The following MACROD2 variants were observed in gnomAD, a reference collection of about 807,000 sequenced individuals.
MACROD2 encodes the protein ADP-ribose glycohydrolase MACROD2.
In MACROD2, 36 loss-of-function variants were observed where a neutral mutation model predicts 70.4. The ratio of observed to expected loss-of-function variants is 0.51; its 90% CI spans 0.39 to 0.68. MACROD2 has a LOEUF of 0.68. MACROD2 is among the 30% of genes least tolerant of loss of function. The pLI, the probability that MACROD2 is intolerant of heterozygous loss-of-function variation, is 0.00. For missense variants in MACROD2, 496 were observed against 538.4 expected (o/e 0.92, Z 0.78); for synonymous variants, 172 against 178.8 (o/e 0.96, Z 0.30).
chr20:15,851,618 C>G (rs984037209), intron 8 of MACROD2, among the ~76,000 whole-genome samples: 1 of 152,140 alleles, frequency 6.6e-6, no homozygotes, highest in Non-Finnish European at 1.5e-5. Flanking sequence ...TAGTCACATT[C>G]TGAGATACTG....
chr20:14,014,636 T>G (rs1309272927), intron 2 of MACROD2, among the ~76,000 whole-genome samples: 1 of 146,530 alleles, frequency 6.8e-6, no homozygotes, highest in Non-Finnish European at 1.5e-5. Flanking sequence ...CCAGAGTTAA[T>G]TCACTTGCCA....
chr20:15,925,647 T>C (rs1023987060), intron 10 of MACROD2, among the ~76,000 whole-genome samples: 4 of 152,190 alleles, frequency 2.6e-5, no homozygotes, highest in African/African-American at 9.7e-5. Flanking sequence ...GAGCTCCTTA[T>C]TGAGCACTTG....
chr20:14,908,434 C>A (rs780333811), intron 5 of MACROD2, among the ~76,000 whole-genome samples: 69 of 152,172 alleles, frequency 4.5e-4, no homozygotes, highest in Non-Finnish European at 7.9e-4. Flanking sequence ...GTGGGCAGAT[C>A]ACCTGAGGCC....
At chr20:15,917,256 C>T (rs922719799) in intron 10 of MACROD2, among the ~76,000 whole-genome samples, 2 of 152,154 alleles carry the variant, frequency 1.3e-5, no homozygotes, top group Non-Finnish European at 2.9e-5. Context: ...AGGTTGGATA[C>T]ATTTTACATA....
intron 12 of MACROD2, among the ~76,000 whole-genome samples, chr20:15,957,325 A>C (rs2065991539): frequency 6.6e-6 from 1 of 152,216 alleles, no homozygotes; most frequent in African/African-American, 2.4e-5. Context: ...TTTTTTACAA[A>C]AATTATGAAT....
At chr20:15,073,963 G>T (rs2075638729) in intron 5 of MACROD2, among the ~76,000 whole-genome samples, 1 of 152,060 alleles carries the variant, frequency 6.6e-6, no homozygotes, top group South Asian at 2.1e-4. Context: ...TATAACAAAT[G>T]GCATGTTTAG....
intron 16 of MACROD2, among the ~76,000 whole-genome samples, chr20:16,041,863 C>A (rs937360361): frequency 6.6e-6 from 1 of 151,958 alleles, no homozygotes; most frequent in Non-Finnish European, 1.5e-5. Context: ...TATCCCTTTT[C>A]CCCTGCACAA....
intron 2 of MACROD2, among the ~76,000 whole-genome samples, chr20:14,030,273 A>C (rs890957713): frequency 6.6e-6 from 1 of 151,806 alleles, no homozygotes; most frequent in Admixed American, 6.6e-5. Context: ...CCTAGGCTCA[A>C]ACCATCCATC....
chr20:15,401,710 T>G (rs6079802), intron 6 of MACROD2, among the ~76,000 whole-genome samples: 7 of 152,172 alleles, frequency 4.6e-5, no homozygotes, highest in South Asian at 2.1e-4. Context: ...TGTTTGTTAA[T>G]AAATTACCGA....
At chr20:14,175,746 C>T (rs146100762) in intron 3 of MACROD2, among the ~76,000 whole-genome samples, 90 of 152,228 alleles carry the variant, frequency 5.9e-4, no homozygotes, top group African/African-American at 2.0e-3. Flanking sequence ...GCTGGGAAAC[C>T]GATCACAACT....
intron 5 of MACROD2, among the ~76,000 whole-genome samples, chr20:15,026,227 T>C (rs530220162): frequency 6.6e-6 from 1 of 152,302 alleles, no homozygotes; most frequent in African/African-American, 2.4e-5. Context: ...AAAAGGCATT[T>C]ACCATTGTTT....
At chr20:15,570,766 A>G (rs2048366874) in intron 8 of MACROD2, among the ~76,000 whole-genome samples, 1 of 152,172 alleles carries the variant, frequency 6.6e-6, no homozygotes, top group Admixed American at 6.5e-5. Context: ...GATTCACTCG[A>G]ATTGGACCAA....
chr20:15,398,444 T>A (rs2045887880), intron 6 of MACROD2, among the ~76,000 whole-genome samples: 1 of 152,172 alleles, frequency 6.6e-6, no homozygotes, highest in Admixed American at 6.5e-5. Context: ...ATGGTAAGTA[T>A]ATGGGCACAG....
chr20:15,156,714 A>G (rs574966867), intron 5 of MACROD2, among the ~76,000 whole-genome samples: 250 of 152,202 alleles, frequency 1.6e-3, no homozygotes, highest in African/African-American at 5.8e-3. Flanking sequence ...TGGGGGAGAG[A>G]ATGGGAAGTC....
Position 15,878,353 on chromosome 20 carries a change from C to G in MACROD2, c.728-7411C>G, listed in dbSNP as rs534763413. 1.4e-3 allele frequency among the ~76,000 whole-genome samples: 210 copies of G among 152,182 alleles called. 1 individual carries two copies. Among genetic ancestry groups the G allele is most frequent in the Middle Eastern group, 3.4e-3 (1 of 294 alleles). On this transcript the variant is annotated intron_variant, in intron 9 of 17. Coordinates refer to ENST00000684519, the MANE Select transcript of MACROD2 (RefSeq NM_001351661.2). ...ACAGGCCAATATTGGTGCTTTGGAC[C>G]AGTGGCTCTCAAACTTCAGTGTGCA...
intron 3 of MACROD2, among the ~76,000 whole-genome samples, chr20:14,420,401 T>C (rs753612254): frequency 6.6e-6 from 1 of 152,134 alleles, no homozygotes; most frequent in Non-Finnish European, 1.5e-5. Flanking sequence ...ATTTTATTGA[T>C]AGTAGACACC....
At chr20:15,248,448 G>C (rs151291122) in intron 6 of MACROD2, among the ~76,000 whole-genome samples, 85 of 152,174 alleles carry the variant, frequency 5.6e-4, no homozygotes, top group African/African-American at 1.9e-3. Flanking sequence ...TAAACCCTCT[G>C]TGACTCCTTT....
intron 5 of MACROD2, among the ~76,000 whole-genome samples, chr20:15,229,270 G>T (rs1209287215): frequency 6.6e-6 from 1 of 152,080 alleles, no homozygotes; most frequent in African/African-American, 2.4e-5. Context: ...AGTATAGATT[G>T]CATTAAAATG....
intron 8 of MACROD2, among the ~76,000 whole-genome samples, chr20:15,588,851 C>G (rs1306738797): frequency 6.6e-6 from 1 of 152,210 alleles, no homozygotes; most frequent in African/African-American, 2.4e-5. Flanking sequence ...TCCAAACTTT[C>G]CCACATTTTT....
Sources: allele counts gnomAD v4.1 joint callset (sites outside exome capture counted in the v4.1 genomes callset), GRCh38; gene constraint gnomAD v4.1.1; transcripts MANE v1.5; gene names NCBI Gene and HGNC (gene_info 2026-07-23, HGNC 2026-07-21).